The following PDLIM5 variants were observed in gnomAD, a reference collection of about 807,000 sequenced individuals.
PDLIM5 encodes PDZ and LIM domain protein 5.
A neutral mutation model predicts 64.2 loss-of-function variants in PDLIM5; 34 were observed. The ratio of observed to expected loss-of-function variants is 0.53; its 90% confidence interval spans 0.40 to 0.71. PDLIM5 has a LOEUF of 0.71. Ranked by LOEUF, PDLIM5 falls within the 30% of genes least tolerant of loss-of-function variation. PDLIM5 has a pLI of 0.00. For missense variants in PDLIM5, 683 were observed against 733.6 expected, an observed-to-expected ratio of 0.93 and a Z score of 0.80; for synonymous variants, 253 against 269.1, an observed-to-expected ratio of 0.94 and a Z score of 0.59.
At chr4:94,628,117 A>G (rs1739849500) in intron 8 of PDLIM5, among the ~76,000 whole-genome samples, 1 of 152,216 alleles carries the variant, frequency 6.6e-6, no homozygotes, top group African/African-American at 2.4e-5. Context: ...TTACTACTTC[A>G]TTGAATCCTC....
At chr4:94,589,732 CTTTCTTTTCTTTTCT>C (rs61103869) in intron 7 of PDLIM5, among the ~76,000 whole-genome samples, 1 of 148,544 alleles carries the variant, frequency 6.7e-6, no homozygotes, top group South Asian at 2.1e-4. Context: ...CTCTTTCTTT[CTTTCTTTTCTTTTCT>C]TTTCTTTTCT....
intron 8 of PDLIM5, among the ~76,000 whole-genome samples, chr4:94,625,962 A>G (rs984790608): frequency 5.3e-5 from 8 of 152,314 alleles, no homozygotes; most frequent in Middle Eastern, 3.4e-3. Context: ...AAAGTTTATG[A>G]TTCTTTTTTA....
chr4:94,631,030 C>T lies in PDLIM5; in HGVS notation c.1109-9246C>T, dbSNP rs541813441. Among the ~76,000 whole-genome samples, 84 of 151,996 alleles carry T rather than the reference C, an allele frequency of 5.5e-4. 1 individual carries two copies. The highest frequency in any genetic ancestry group is 1.7e-3 in the African/African-American group (72 of 41,464). ...TCAAGTTATCCTCCTGCCTCACATC[C>T]CTGAGTAGCTATAGGTGCATGCCAC... On this transcript the variant is annotated intron_variant, in intron 8 of 12. Coordinates refer to ENST00000317968, the MANE Select transcript of PDLIM5 (RefSeq NM_006457.5).
intron 8 of PDLIM5, among the ~76,000 whole-genome samples, chr4:94,624,135 C>A (rs1739472932): frequency 6.6e-6 from 1 of 150,996 alleles, no homozygotes; most frequent in African/African-American, 2.4e-5. Context: ...CATAGCGGGA[C>A]CCCCATCTCC....
chr4:94,586,886 G>T, intron 7 of PDLIM5: 1 of 1,064,112 alleles, frequency 9.4e-7, no homozygotes. Context: ...GCTTTTATAA[G>T]GCATGTTTTC....
At chr4:94,469,926 A>G (rs1207267251) in intron 2 of PDLIM5, among the ~76,000 whole-genome samples, 2 of 147,166 alleles carry the variant, frequency 1.4e-5, no homozygotes, top group East Asian at 4.0e-4. Flanking sequence ...TTATTTGCAC[A>G]CTGATTATAT....
intron 7 of PDLIM5, chr4:94,587,944 G>A (rs1037616002): frequency 2.2e-5 from 22 of 978,434 alleles, no homozygotes; most frequent in South Asian, 9.5e-5. Flanking sequence ...ACTTAGTGAC[G>A]TAAACTACTG....
At chr4:94,563,191 ATAT>A (rs955328369) in intron 3 of PDLIM5, among the ~76,000 whole-genome samples, 11 of 152,278 alleles carry the variant, frequency 7.2e-5, no homozygotes, top group Middle Eastern at 3.4e-3. Flanking sequence ...TTAGATGTAG[ATAT>A]TATTATCACT....
At chr4:94,557,187 G>A (rs190184776) in intron 3 of PDLIM5, among the ~76,000 whole-genome samples, 1 of 151,922 alleles carries the variant, frequency 6.6e-6, no homozygotes, top group East Asian at 1.9e-4. Flanking sequence ...TCTTGTTTTT[G>A]TCATGTTTGT....
intron 2 of PDLIM5, among the ~76,000 whole-genome samples, chr4:94,461,726 T>C (rs1424925520): frequency 6.6e-6 from 1 of 152,194 alleles, no homozygotes; most frequent in Non-Finnish European, 1.5e-5. Context: ...TTCACCAACC[T>C]TGTTGGCATT....
chr4:94,531,081 G>A (rs150531084), intron 3 of PDLIM5, among the ~76,000 whole-genome samples: 44 of 152,132 alleles, frequency 2.9e-4, no homozygotes, highest in African/African-American at 1.1e-3. Context: ...TTAATAATTG[G>A]AGTTTCACAT....
intron 4 of PDLIM5, 146 bp from the exon 5 acceptor site, chr4:94,575,470 A>G (rs1354233985): frequency 1.7e-6 from 1 of 600,542 alleles, no homozygotes; most frequent in East Asian, 2.7e-5. Flanking sequence ...TTATCAGCCC[A>G]TTGTTTTTAT....
intron 2 of PDLIM5, among the ~76,000 whole-genome samples, chr4:94,474,237 C>T (rs2438146): frequency 0.37 from 56,530 of 151,978 alleles, 11,187 homozygotes; most frequent in Non-Finnish European, 0.45. Context: ...ATTTCATTTA[C>T]ATCTTTTTTA....
intron 2 of PDLIM5, among the ~76,000 whole-genome samples, chr4:94,470,028 G>A (rs541196170): frequency 8.1e-4 from 105 of 129,570 alleles, no homozygotes; most frequent in African/African-American, 2.9e-3. Context: ...GTGCAGTGGC[G>A]TGATCTCGAC....
At chr4:94,524,563 G>A (rs1350047914) in intron 3 of PDLIM5, among the ~76,000 whole-genome samples, 3 of 150,466 alleles carry the variant, frequency 2.0e-5, no homozygotes, top group African/African-American at 7.3e-5. Flanking sequence ...TTTTTTCTGA[G>A]TAGAAAATTT....
At chr4:94,473,896 A>G (rs1481329056) in intron 2 of PDLIM5, among the ~76,000 whole-genome samples, 1 of 152,228 alleles carries the variant, frequency 6.6e-6, no homozygotes, top group Non-Finnish European at 1.5e-5. Context: ...GATTAAATAC[A>G]TAGTTCAGTG....
intron 9 of PDLIM5, among the ~76,000 whole-genome samples, chr4:94,644,958 T>C (rs1480457336): frequency 1.3e-5 from 2 of 152,136 alleles, no homozygotes; most frequent in Non-Finnish European, 2.9e-5. Flanking sequence ...GAACAGGTAG[T>C]ATTTGCTTAC....
chr4:94,640,305 G>A lies in PDLIM5; in HGVS notation c.1138G>A (p.Ala380Thr), dbSNP rs372735372. The change falls in exon 9 of 13, where the codon GCT (alanine) becomes ACT (threonine). Residue 380 changes from alanine (A) to threonine (T), a missense_variant. Coordinates refer to ENST00000317968, the MANE Select transcript of PDLIM5 (RefSeq NM_006457.5). ...VPSTGRISNSATYSGSVAPAN... is the reference protein window; with the variant it reads ...VPSTGRISNSTTYSGSVAPAN... ...TTCCACTGGAAGAATCTCAAACAGC[G>A]CTACTTACTCAGGATCAGTGGCACC... 24 of 1,610,468 alleles carry A rather than the reference G, an allele frequency of 1.5e-5. No individual in the cohort carries two copies. Among genetic ancestry groups the A allele is most frequent in the South Asian group, 9.9e-5 (9 of 90,818 alleles).
chr4:94,472,736 C>G (rs1724990250), intron 2 of PDLIM5, among the ~76,000 whole-genome samples: 1 of 152,150 alleles, frequency 6.6e-6, no homozygotes, highest in South Asian at 2.1e-4. Context: ...TGTTGTCACA[C>G]TGGTTACAAC....
Sources: gnomAD v4.1 joint callset for allele counts (sites outside exome capture counted in the v4.1 genomes callset) on GRCh38, gnomAD v4.1.1 for gene constraint, MANE v1.5 for transcripts, NCBI Gene and HGNC (gene_info 2026-07-23, HGNC 2026-07-21) for gene names.